Variants in IKBKE observed in about 807,000 individuals in gnomAD.
IKBKE encodes the protein inhibitor of nuclear factor kappa-B kinase subunit epsilon.
IKBKE carries 45 observed loss-of-function variants against 92.1 expected under a neutral mutation model. That is an observed-to-expected ratio of 0.49 (90% CI 0.38 to 0.63). The LOEUF (loss-of-function observed/expected upper bound fraction) is 0.63, where lower values mean the gene tolerates loss of function less well. Ranked by LOEUF, IKBKE falls within the 20% of genes least tolerant of loss-of-function variation. The pLI is 0.00. For missense variants in IKBKE, 700 were observed against 932.8 expected (o/e 0.75, Z 3.25); for synonymous variants, 374 against 380.3 (o/e 0.98, Z 0.19).
rs1326204263 is a variant in IKBKE at position 206,490,061 on chromosome 1, CT to C, written c.1694-757del. The stretch of plus-strand genomic sequence containing the variant: ...AGTGAAATCACTCGCCTAGTGCCGC[CT>C]GCCAACAGGAGGAAGGGCTGAGGTT... On this transcript the variant is annotated intron_variant, in intron 16 of 21. Coordinates refer to ENST00000581977, the MANE Select transcript of IKBKE (RefSeq NM_014002.4). This position sits in a 1 kb window ranked among gnomAD's most constrained non-coding sequence, Gnocchi z 5.2. Among the ~76,000 whole-genome samples, 1 of 152,206 alleles carries C rather than the reference CT, an allele frequency of 6.6e-6. No individual in the cohort carries two copies. The highest frequency in any genetic ancestry group is 1.5e-5 in the Non-Finnish European group (1 of 68,040).
rs550224782 is a variant in IKBKE at position 206,485,882 on chromosome 1, C to T, written c.1616+576C>T. Among the ~76,000 whole-genome samples the T allele has an allele frequency of 5.3e-5, 8 of 152,324 alleles. No homozygotes were observed. In the East Asian group the frequency reaches 1.3e-3, roughly 26 times the overall value. On this transcript the variant is annotated intron_variant, in intron 15 of 21. Transcript: ENST00000581977. This position sits in a 1 kb window ranked among gnomAD's most constrained non-coding sequence, Gnocchi z 5.0. ...CAGACATAAAAATACCCCCCTCCCC[C>T]AGGCCCCAGCTGACTGTGGGGAGCC...
chr1:206,491,969 A>C, intron 18 of IKBKE: 1 of 447,288 alleles, frequency 2.2e-6, no homozygotes, highest in Non-Finnish European at 4.1e-6. Context: ...TATACAGTAG[A>C]TATCATCACC....
chr1:206,490,694 G>T lies in IKBKE; in HGVS notation c.1694-125G>T. 1.1e-6 allele frequency: 1 copy of T among 929,932 alleles called. No homozygotes were observed. Among genetic ancestry groups the T allele is most frequent in the Admixed American group, 1.8e-5 (1 of 54,694 alleles). 57.6% of individuals were successfully genotyped at this position (929,932 alleles called of 1,614,324 possible). A position where few individuals can be genotyped will look rare whatever the true frequency, so the allele number is the denominator to read the frequency against. On this transcript the variant is annotated intron_variant, in intron 16 of 21. Coordinates refer to ENST00000581977, the MANE Select transcript of IKBKE (RefSeq NM_014002.4). This position sits in a 1 kb window ranked among gnomAD's most constrained non-coding sequence, Gnocchi z 5.2. ...CTCTGCCCCTCCTGCTCCGCTGGGCGGTGAGTTCCCGTGAAGCAGCACAGG... is the reference window on the plus strand; with the variant it reads ...CTCTGCCCCTCCTGCTCCGCTGGGCTGTGAGTTCCCGTGAAGCAGCACAGG...
chr1:206,475,886 T>C (rs782712636), intron 5 of IKBKE, among the ~76,000 whole-genome samples: 15 of 152,158 alleles, frequency 9.9e-5, no homozygotes, highest in Non-Finnish European at 2.2e-4. Flanking sequence ...TTTACCACAA[T>C]TGAACACCTA....
In IKBKE at chr1:206,487,026, G is replaced by A. The variant is rs1456241985; in HGVS notation, c.1617-888G>A. On this transcript the variant is annotated intron_variant, in intron 15 of 21. Transcript: ENST00000581977. The surrounding 1 kb of genome is among the most constrained non-coding windows in gnomAD (Gnocchi z 5.3). ...AGGCCTTGTCTTTTGGATGAAGGCT[G>A]TGGATCTGAGGCCTGTCCCAGCCAC... Among the ~76,000 whole-genome samples the A allele has an allele frequency of 6.6e-6, 1 of 152,262 alleles. No homozygotes were observed. Among genetic ancestry groups the A allele is most frequent in the African/African-American group, 2.4e-5 (1 of 41,464 alleles).
In IKBKE at chr1:206,476,146, C is replaced by T. The variant is rs1270405652; in HGVS notation, c.359-35C>T. On this transcript the variant is annotated intron_variant, in intron 5 of 21. Transcript: ENST00000581977. This position sits in a 1 kb window ranked among gnomAD's most constrained non-coding sequence, Gnocchi z 5.1. ...CCTCAGACACTAGACTGTCCCCGAC[C>T]AGAGCCAGCTAGTGGCCTCCCCGTC... The T allele has an allele frequency of 1.2e-6, 2 of 1,609,566 alleles. No homozygotes were observed. Among genetic ancestry groups the T allele is most frequent in the African/African-American group, 1.3e-5 (1 of 74,894 alleles).
At chr1:206,483,318 T>C (rs915468161) in intron 13 of IKBKE, among the ~76,000 whole-genome samples, 1 of 152,238 alleles carries the variant, frequency 6.6e-6, no homozygotes, top group African/African-American at 2.4e-5. Context: ...CTCGAACCCA[T>C]GTCTCCTGAC....
chr1:206,491,286 C>T, intron 17 of IKBKE: 1 of 358,422 alleles, frequency 2.8e-6, no homozygotes, highest in Non-Finnish European at 5.3e-6. Flanking sequence ...CCCAGTTCTA[C>T]AAGCACCCCG....
At chr1:206,480,404 T>TC in intron 12 of IKBKE, 43 bp from the exon 13 acceptor site, 2 of 1,499,520 alleles carry the variant, frequency 1.3e-6, no homozygotes, top group Non-Finnish European at 1.9e-6. Context: ...CGGTGCTGAG[T>TC]CCCCCGATCA....
intron 16 of IKBKE, among the ~76,000 whole-genome samples, chr1:206,489,400 T>C (rs112280165): frequency 0.039 from 4,330 of 110,242 alleles, 101 homozygotes; most frequent in African/African-American, 0.087. Context: ...TATATATATA[T>C]ACACACACAC....
At chr1:206,475,951 C>T (rs1466476531) in intron 5 of IKBKE, among the ~76,000 whole-genome samples, 3 of 152,082 alleles carry the variant, frequency 2.0e-5, no homozygotes, top group Non-Finnish European at 4.4e-5. Flanking sequence ...AGAGCCACCA[C>T]CCATCTTGGT....
Position 206,493,111 on chromosome 1 carries a change from C to A in IKBKE, c.1924C>A (p.Leu642Ile). The A allele has an allele frequency of 1.9e-6, 3 of 1,590,402 alleles. No individual in the cohort carries two copies. The highest frequency in any genetic ancestry group is 2.2e-5 in the East Asian group (1 of 44,482). The change falls in exon 19 of 22, where the codon CTC becomes ATC. Residue 642 changes from leucine to isoleucine, a missense_variant. Coordinates refer to ENST00000581977, the MANE Select transcript of IKBKE (RefSeq NM_014002.4). ...AGAAGCCCAGGGGGTCCAGGAGAGT[C>A]TCAGCAAGGTGGGCATGGCAGAAGG... ...NTEAQGVQESLSKLLEELSHQ... is the reference protein window; with the variant it reads ...NTEAQGVQESISKLLEELSHQ...
intron 2 of IKBKE, among the ~76,000 whole-genome samples, chr1:206,471,495 G>T (rs782013530): frequency 1.6e-4 from 24 of 152,298 alleles, no homozygotes; most frequent in East Asian, 1.9e-4. Flanking sequence ...TTGTCTGGGG[G>T]TCTGCGCTTT....
Position 206,477,365 on chromosome 1 carries a change from C to T in IKBKE, c.702-384C>T, listed in dbSNP as rs538030002. Among the ~76,000 whole-genome samples the T allele has an allele frequency of 4.6e-5, 7 of 152,190 alleles. No homozygotes were observed. In the South Asian group the frequency reaches 8.3e-4, roughly 18 times the overall value. On this transcript the variant is annotated intron_variant, in intron 7 of 21. Transcript: ENST00000581977. The stretch of plus-strand genomic sequence containing the variant: ...AGCTGTGTGGAACCTATATCAGGCC[C>T]GCAAAAGGGGCAGAAGACCAGCATG...
At position 206,485,822 on chromosome 1, in the gene IKBKE, G is replaced by T. The variant is rs1371221528; in HGVS notation, c.1616+516G>T. Among the ~76,000 whole-genome samples, 5 of 152,148 alleles carry T rather than the reference G, an allele frequency of 3.3e-5. No individual in the cohort carries two copies. The highest frequency in any genetic ancestry group is 4.8e-5 in the African/African-American group (2 of 41,432). ...TGTTCTTGGCCTATGCCAGGCAGGGGTTTACAACCTTTAAGGCACCACTCT... is the reference window on the plus strand; with the variant it reads ...TGTTCTTGGCCTATGCCAGGCAGGGTTTTACAACCTTTAAGGCACCACTCT... On this transcript the variant is annotated intron_variant, in intron 15 of 21. Transcript: ENST00000581977. The surrounding 1 kb of genome is among the most constrained non-coding windows in gnomAD (Gnocchi z 5.0).
At chr1:206,473,430 G>T (rs1664885010) in intron 3 of IKBKE, 116 bp downstream of exon 3, 1 of 725,388 alleles carries the variant, frequency 1.4e-6, no homozygotes, top group East Asian at 2.8e-5. Context: ...GGGACCTCTG[G>T]ATGTTGTGTA....
chr1:206,484,924 A>G, intron 13 of IKBKE, 73 bp from the exon 14 acceptor site: 1 of 1,215,324 alleles, frequency 8.2e-7, no homozygotes, highest in Non-Finnish European at 1.2e-6. Flanking sequence ...GCATGTGCCA[A>G]CAGAGCTCTC....
chr1:206,481,013 C>T (rs1434511679), intron 13 of IKBKE, among the ~76,000 whole-genome samples: 1 of 152,154 alleles, frequency 6.6e-6, no homozygotes, highest in African/African-American at 2.4e-5. Context: ...TCCTTGGGTT[C>T]CCTGCCCCAA....
rs533571422 is a variant in IKBKE, at chr1:206,477,511, G to A, written c.702-238G>A. 4.2e-3 allele frequency among the ~76,000 whole-genome samples: 632 copies of A among 152,248 alleles called. 4 individuals are homozygous for A. The highest frequency in any genetic ancestry group is 0.014 in the African/African-American group (601 of 41,536). Reference sequence around the variant, plus strand: ...TGGCCAGGCTGAGGGAAGTGTAGCGGGGGGAGAGGCAGTGGACAGGGCAAA... The same window carrying A: ...TGGCCAGGCTGAGGGAAGTGTAGCGAGGGGAGAGGCAGTGGACAGGGCAAA... On this transcript the variant is annotated intron_variant, in intron 7 of 21. Coordinates refer to ENST00000581977, the MANE Select transcript of IKBKE (RefSeq NM_014002.4).
Sources: gnomAD v4.1 joint callset for allele counts (sites outside exome capture counted in the v4.1 genomes callset) on GRCh38, gnomAD v4.1.1 for gene constraint, Gnocchi (gnomAD v3.1) non-coding constraint, MANE v1.5 for transcripts, NCBI Gene and HGNC (gene_info 2026-07-23, HGNC 2026-07-21) for gene names.